MYL4: variants seen among roughly 807,000 people sequenced by gnomAD.
The protein encoded by MYL4 is myosin light chain 4, also known as atrial myosin light chain 1.
MYL4 carries 16 observed loss-of-function variants against 21.6 expected under a neutral mutation model. The observed-to-expected ratio is 0.74, with a 90% CI of 0.50 to 1.12. MYL4 has a LOEUF of 1.12. MYL4 is among the 50% of genes most tolerant of loss of function. The pLI is 0.00. For synonymous variants in MYL4, 82 were observed against 95.7 expected (o/e 0.86, Z 0.83); for missense variants, 249 against 252.9 (o/e 0.98, Z 0.11).
upstream of MYL4, among the ~76,000 whole-genome samples, chr17:47,204,731 G>GGA (rs2064721406): frequency 7.1e-6 from 1 of 141,396 alleles, no homozygotes; most frequent in African/African-American, 2.7e-5. Context: ...ACCCTGTCTC[G>GGA]AAAAAAAAAA....
intron 2 of MYL4, among the ~76,000 whole-genome samples, chr17:47,216,194 T>C (rs2064812672): frequency 6.6e-6 from 1 of 152,048 alleles, no homozygotes; most frequent in Non-Finnish European, 1.5e-5. Flanking sequence ...GAGGGGTTAC[T>C]ACCACTGGAC....
chr17:47,209,368 C>A lies in MYL4; in HGVS notation c.-55C>A. ...CTCCTATCTCATCTCCCAGACGCCA[C>A]GTCTCTCGGTTTCTTCTTAGATCAC... On this transcript the variant is annotated 5_prime_UTR_variant, in exon 1 of 7. Transcript: ENST00000393450. The A allele has an allele frequency of 1.2e-6, 2 of 1,612,332 alleles. No individual in the cohort carries two copies.
At chr17:47,211,606 C>G (rs927333499) in intron 1 of MYL4, among the ~76,000 whole-genome samples, 2 of 152,132 alleles carry the variant, frequency 1.3e-5, no homozygotes, top group Non-Finnish European at 2.9e-5. Context: ...TAGGGGGTTC[C>G]TTTAACTTTC....
At chr17:47,215,051 A>G (rs891597744) in intron 2 of MYL4, among the ~76,000 whole-genome samples, 1 of 152,164 alleles carries the variant, frequency 6.6e-6, no homozygotes, top group Admixed American at 6.6e-5. Context: ...GGTGCATTTT[A>G]AATTATAATG....
At chr17:47,215,703 T>G (rs888682664) in intron 2 of MYL4, among the ~76,000 whole-genome samples, 2 of 152,228 alleles carry the variant, frequency 1.3e-5, no homozygotes, top group African/African-American at 4.8e-5. Flanking sequence ...CCTCTAGATA[T>G]CCTCCATCTA....
At chr17:47,220,239 A>T (rs887525137) in intron 3 of MYL4, among the ~76,000 whole-genome samples, 186 bp downstream of exon 3, 1 of 152,218 alleles carries the variant, frequency 6.6e-6, no homozygotes, top group Admixed American at 6.5e-5. Context: ...CCCCGTACTT[A>T]AGTGACCCTT....
chr17:47,218,308 C>T (rs963448057), intron 2 of MYL4, among the ~76,000 whole-genome samples: 5 of 152,146 alleles, frequency 3.3e-5, no homozygotes, highest in Admixed American at 2.6e-4. Flanking sequence ...TACGCAGCCT[C>T]GAAGGAAAGA....
chr17:47,196,321 T>C (rs923484427), upstream of MYL4, among the ~76,000 whole-genome samples: 1 of 152,204 alleles, frequency 6.6e-6, no homozygotes, highest in Non-Finnish European at 1.5e-5. Flanking sequence ...TTGCCAGCAC[T>C]TTGATCATGG....
the MYL4 span, among the ~76,000 whole-genome samples, chr17:47,194,231 C>T: frequency 1.3e-5 from 2 of 152,228 alleles, no homozygotes; most frequent in African/African-American, 4.8e-5. Flanking sequence ...AAAATATTTC[C>T]TATCCCAGTT....
chr17:47,191,012 C>T, the MYL4 span, among the ~76,000 whole-genome samples: 1 of 152,198 alleles, frequency 6.6e-6, no homozygotes, highest in Non-Finnish European at 1.5e-5. Context: ...TCTGCATGAC[C>T]TCTCTTTTCA....
At chr17:47,202,027 C>G (rs1399399589) in intron 1 of MYL4, among the ~76,000 whole-genome samples, 3 of 152,166 alleles carry the variant, frequency 2.0e-5, no homozygotes, top group African/African-American at 7.2e-5. Context: ...ATTCTGTCGC[C>G]CAGGCTGGAG....
intron 2 of MYL4, among the ~76,000 whole-genome samples, chr17:47,216,348 G>A (rs1427747834): frequency 6.9e-6 from 1 of 145,058 alleles, no homozygotes; most frequent in Non-Finnish European, 1.5e-5. Context: ...AAACTTCAGT[G>A]TTTGATTTTT....
chr17:47,216,798 A>T (rs1331752818), intron 2 of MYL4, among the ~76,000 whole-genome samples: 1 of 151,548 alleles, frequency 6.6e-6, no homozygotes, highest in African/African-American at 2.4e-5. Flanking sequence ...GGGTTCAAGC[A>T]ATTCTCCTGC....
chr17:47,225,122 A>T (rs550740553), downstream of MYL4, among the ~76,000 whole-genome samples: 6 of 152,292 alleles, frequency 3.9e-5, no homozygotes, highest in South Asian at 6.2e-4. Flanking sequence ...TCATCCAGCC[A>T]CAGAACTCTG....
At position 47,222,470 on chromosome 17, in the gene MYL4, G is replaced by T; in HGVS notation, c.565+13G>T. The T allele has an allele frequency of 6.2e-7, 1 of 1,613,892 alleles. No individual in the cohort carries two copies. Among genetic ancestry groups the T allele is most frequent in the Non-Finnish European group, 8.5e-7 (1 of 1,179,870 alleles). Reference sequence around the variant, plus strand: ...ATCAATTATGAAGGTATTAAGCCGCGCCTTGCATCCCAGGGCAGCCAGGGA... The same window carrying T: ...ATCAATTATGAAGGTATTAAGCCGCTCCTTGCATCCCAGGGCAGCCAGGGA... On this transcript the variant is annotated intron_variant, in intron 5 of 6. Transcript: ENST00000393450.
chr17:47,220,031 G>T lies in MYL4; in HGVS notation c.291G>T (p.Val97=). The T allele has an allele frequency of 6.2e-7, 1 of 1,613,804 alleles. No homozygotes were observed. Among genetic ancestry groups the T allele is most frequent in the Non-Finnish European group, 8.5e-7 (1 of 1,179,810 alleles). Reference sequence around the variant, plus strand: ...CTACCAATGCCGAGGTGCTGCGTGTGCTGGGCAAGCCCAAGCCTGAAGGTC... The same window carrying T: ...CTACCAATGCCGAGGTGCTGCGTGTTCTGGGCAAGCCCAAGCCTGAAGGTC... ...QNPTNAEVLR[V]LGKPKPEEMN... Residue 97 remains valine, a synonymous_variant, in exon 3 of 7, where the codon GTG becomes GTT. Coordinates refer to ENST00000393450, the MANE Select transcript of MYL4 (RefSeq NM_002476.2).
Position 47,212,868 on chromosome 17 carries a change from A to G in MYL4, c.136-931A>G, listed in dbSNP as rs542863386. On this transcript the variant is annotated intron_variant, in intron 1 of 6. Transcript: ENST00000393450. ...ATGGAACTTCAGCATGAGTGAATCT[A>G]TTTTGGTTTGGTCTGTTGGTCCTAG... Among the ~76,000 whole-genome samples the G allele has an allele frequency of 5.0e-4, 76 of 152,304 alleles. No homozygotes were observed. The South Asian group carries it at 0.013, about 26-fold the overall frequency.
intron 4 of MYL4, 86 bp downstream of exon 4, chr17:47,221,941 G>A: frequency 1.4e-6 from 2 of 1,462,070 alleles, no homozygotes; most frequent in African/African-American, 1.4e-5. Flanking sequence ...GTTGGGTGGG[G>A]GGTGGTATAC....
chr17:47,201,280 C>G lies in MYL4; in HGVS notation c.-35+694C>G, dbSNP rs538403215. On this transcript the variant is annotated intron_variant and NMD_transcript_variant, in intron 1 of 6. Transcript: ENST00000571981. The stretch of plus-strand genomic sequence containing the variant: ...CTTTTCTGCTTTCATTTTTGGTGTT[C>G]TGGGCCTTATGAATTATTGAGCCTT... Among the ~76,000 whole-genome samples the G allele has an allele frequency of 1.1e-4, 16 of 152,164 alleles. No homozygotes were observed. In the South Asian group the frequency reaches 3.3e-3, roughly 32 times the overall value.
Sources: allele counts gnomAD v4.1 joint callset (sites outside exome capture counted in the v4.1 genomes callset), GRCh38; gene constraint gnomAD v4.1.1; transcripts MANE v1.5; gene names NCBI Gene and HGNC (gene_info 2026-07-23, HGNC 2026-07-21).